Variants in ACOX3 observed in about 807,000 individuals in gnomAD.
The protein encoded by ACOX3 is peroxisomal acyl-coenzyme A oxidase 3.
ACOX3 carries 73 observed loss-of-function variants against 81.5 expected under a neutral mutation model. The observed-to-expected ratio is 0.90, with a 90% confidence interval of 0.74 to 1.09. The LOEUF (loss-of-function observed/expected upper bound fraction) is 1.09. Among genes scored for constraint, ACOX3 ranks in the 50% least tolerant of loss-of-function variants. The pLI, the probability that ACOX3 is intolerant of heterozygous loss-of-function variation, is 0.00. For synonymous variants in ACOX3, 387 were observed against 375.1 expected (o/e 1.03, Z -0.37); for missense variants, 947 against 928.0 (o/e 1.02, Z -0.27).
chr4:8,357,033 C>A, the ACOX3 span: 1 of 455,744 alleles, frequency 2.2e-6, no homozygotes, highest in Non-Finnish European at 4.4e-6. Flanking sequence ...TAACGTGATC[C>A]CGGCAGGTGA....
rs1717712620 is a variant in ACOX3, at chr4:8,381,953, C to A, written c.1538-346G>T. 6.6e-6 allele frequency among the ~76,000 whole-genome samples: 1 copy of A among 152,272 alleles called. No individual in the cohort carries two copies. Among genetic ancestry groups the A allele is most frequent in the African/African-American group, 2.4e-5 (1 of 41,478 alleles). On this transcript the variant is annotated intron_variant, in intron 13 of 17. Coordinates refer to ENST00000356406, the MANE Select transcript of ACOX3 (RefSeq NM_003501.3). This position sits in a 1 kb window ranked among gnomAD's most constrained non-coding sequence, Gnocchi z 4.3. ...CGTTCTCGCACGCACCAGGCTCGGT[C>A]TGTGTGAAGCGTGGTGCTGCCTCCA...
chr4:8,389,070 C>T lies in ACOX3; in HGVS notation c.1537+103G>A, dbSNP rs550424228. On this transcript the variant is annotated intron_variant, in intron 13 of 17. Transcript: ENST00000356406. This position sits in a 1 kb window ranked among gnomAD's most constrained non-coding sequence, Gnocchi z 5.3. ...GGGCCTCCCACCACCACTGCTGCCC[C>T]GGCTGGAACTGCCAAGGGTCCCCTC... The T allele has an allele frequency of 1.9e-5, 17 of 905,760 alleles. No homozygotes were observed. Among genetic ancestry groups the T allele is most frequent in the Admixed American group, 6.4e-5 (3 of 46,736 alleles). The allele number at this position is 905,760 out of a possible 1,614,324, so 56.1% of individuals were successfully genotyped here.
chr4:8,373,984 A>T, intron 15 of ACOX3: 1 of 290,430 alleles, frequency 3.4e-6, no homozygotes, highest in East Asian at 9.0e-5. Flanking sequence ...GCTCCTGGGC[A>T]GAGTGAAGCA....
Position 8,405,821 on chromosome 4 carries a change from G to A in ACOX3, c.776+134C>T, listed in dbSNP as rs1370843158. 20 of 904,298 alleles carry A rather than the reference G, an allele frequency of 2.2e-5. No individual in the cohort carries two copies. The highest frequency in any genetic ancestry group is 3.3e-4 in the Middle Eastern group (1 of 2,998). The allele number at this position is 904,298 out of a possible 1,614,324, so 56.0% of individuals were successfully genotyped here. On this transcript the variant is annotated intron_variant, in intron 7 of 17. Transcript: ENST00000356406. The surrounding 1 kb of genome is among the most constrained non-coding windows in gnomAD (Gnocchi z 7.1). ...GCCAGTGCATGCACGGGGGCTAGGC[G>A]TAGGTCCCCACCGCATTTGAGTCTA...
At chr4:8,387,741 G>A (rs112418339) in intron 13 of ACOX3, among the ~76,000 whole-genome samples, 1 of 152,320 alleles carries the variant, frequency 6.6e-6, no homozygotes, top group African/African-American at 2.4e-5. Context: ...GAGCAGTAAC[G>A]AGAGATCCCG....
intron 1 of ACOX3, among the ~76,000 whole-genome samples, chr4:8,439,712 T>C (rs1283799553): frequency 1.3e-5 from 2 of 152,246 alleles, no homozygotes; most frequent in African/African-American, 4.8e-5. Flanking sequence ...AGTTTCCAGC[T>C]ATAAGAGAAT....
rs977557470 is a variant in ACOX3 at position 8,431,550 on chromosome 4, A to G, written c.-15+9098T>C. 6.6e-6 allele frequency among the ~76,000 whole-genome samples: 1 copy of G among 152,168 alleles called. No homozygotes were observed. Among genetic ancestry groups the G allele is most frequent in the African/African-American group, 2.4e-5 (1 of 41,446 alleles). ...GTATTTGGGACCTGGGTGGATGGAG[A>G]TGCCACTGGGACTGACACCAAGGGA... On this transcript the variant is annotated intron_variant, in intron 1 of 17. Coordinates refer to ENST00000356406, the MANE Select transcript of ACOX3 (RefSeq NM_003501.3). This position sits in a 1 kb window ranked among gnomAD's most constrained non-coding sequence, Gnocchi z 5.3.
intron 1 of ACOX3, among the ~76,000 whole-genome samples, chr4:8,427,529 G>A (rs1241198412): frequency 6.6e-6 from 1 of 152,184 alleles, no homozygotes; most frequent in Non-Finnish European, 1.5e-5. Context: ...CTAGAGACTC[G>A]CCATTGTTCC....
chr4:8,389,712 T>TAG lies in ACOX3; in HGVS notation c.1322_1323insCT (p.Arg441SerfsTer2). 1 of 1,614,054 alleles carries TAG rather than the reference T, an allele frequency of 6.2e-7. No individual in the cohort carries two copies. Reference sequence around the variant, plus strand: ...ATGTGCAGTTGGGATCGTTGTCATCTCTAAGGACACCCAACCGGTTCACTG... The same window carrying TAG: ...ATGTGCAGTTGGGATCGTTGTCATCTAGCTAAGGACACCCAACCGGTTCACTG... On this transcript the variant is annotated frameshift_variant, in exon 12 of 18. Coordinates refer to ENST00000356406, the MANE Select transcript of ACOX3 (RefSeq NM_003501.3). LOFTEE classifies it high-confidence loss of function. The surrounding 1 kb of genome is among the most constrained non-coding windows in gnomAD (Gnocchi z 5.3).
chr4:8,405,870 G>A lies in ACOX3; in HGVS notation c.776+85C>T, dbSNP rs1720884559. 7.4e-7 allele frequency: 1 copy of A among 1,345,990 alleles called. No homozygotes were observed. The highest frequency in any genetic ancestry group is 1.2e-5 in the South Asian group (1 of 85,344). 83.4% of individuals were successfully genotyped at this position (1,345,990 alleles called of 1,614,324 possible). ...TAAGAGGGCAGGGCATGGCATCCAT[G>A]GGGCCAGTGAGATCTCAGACATGAG... On this transcript the variant is annotated intron_variant, in intron 7 of 17. Coordinates refer to ENST00000356406, the MANE Select transcript of ACOX3 (RefSeq NM_003501.3). This position sits in a 1 kb window ranked among gnomAD's most constrained non-coding sequence, Gnocchi z 7.1.
intron 5 of ACOX3, among the ~76,000 whole-genome samples, chr4:8,410,655 G>A (rs1404504210): frequency 1.3e-5 from 2 of 152,168 alleles, no homozygotes; most frequent in Non-Finnish European, 2.9e-5. Flanking sequence ...CCCTTAGGTA[G>A]AAACACTGTG....
chr4:8,381,476 G>T lies in ACOX3; in HGVS notation c.1653+16C>A. The T allele has an allele frequency of 6.2e-7, 1 of 1,602,908 alleles. No individual in the cohort carries two copies. Among genetic ancestry groups the T allele is most frequent in the Non-Finnish European group, 8.5e-7 (1 of 1,170,670 alleles). The stretch of plus-strand genomic sequence containing the variant: ...AGCAAATAATACAAAAGGGAATTTT[G>T]AAAACAAATACTTACCTGGCATTTG... On this transcript the variant is annotated intron_variant, in intron 14 of 17. Transcript: ENST00000356406. This position sits in a 1 kb window ranked among gnomAD's most constrained non-coding sequence, Gnocchi z 4.3.
chr4:8,366,965 A>G lies in ACOX3; in HGVS notation c.2099T>C (p.Leu700Pro), dbSNP rs1193785170. ...KPVIGSLKSK[L>P] ...GCTGAATGTGTGCCAGTCCCACTAG[A>G]GCTTCGATTTCAGACTTCCTATGAC... Residue 700 changes from leucine (L) to proline (P), a missense_variant, in exon 18 of 18, where the codon CTC (leucine) becomes CCC (proline). Coordinates refer to ENST00000356406, the MANE Select transcript of ACOX3 (RefSeq NM_003501.3). 1 of 1,613,890 alleles carries G rather than the reference A, an allele frequency of 6.2e-7. No individual in the cohort carries two copies. The highest frequency in any genetic ancestry group is 2.2e-5 in the East Asian group (1 of 44,880).
intron 1 of ACOX3, among the ~76,000 whole-genome samples, chr4:8,420,947 T>C (rs552895784): frequency 6.6e-6 from 1 of 152,302 alleles, no homozygotes; most frequent in African/African-American, 2.4e-5. Context: ...GGTTCCACAG[T>C]TCTCTTCCAT....
chr4:8,373,681 C>T (rs1364929208), intron 15 of ACOX3, 53 bp from the exon 16 acceptor site: 1 of 1,542,666 alleles, frequency 6.5e-7, no homozygotes, highest in Non-Finnish European at 8.8e-7. Context: ...AAAACCACCC[C>T]CAATACCAAC....
intron 1 of ACOX3, among the ~76,000 whole-genome samples, chr4:8,421,839 G>A (rs111475127): frequency 8.5e-4 from 130 of 152,194 alleles, no homozygotes; most frequent in Non-Finnish European, 1.5e-3. Context: ...AAATGGCTAG[G>A]AGGATTGCTC....
chr4:8,387,666 G>A (rs1718477163), intron 13 of ACOX3, among the ~76,000 whole-genome samples: 1 of 152,190 alleles, frequency 6.6e-6, no homozygotes, highest in Admixed American at 6.5e-5. Flanking sequence ...GCACGGAGGT[G>A]GGGGCAGCTC....
intron 7 of ACOX3, among the ~76,000 whole-genome samples, chr4:8,404,794 C>T (rs532476106): frequency 3.7e-4 from 56 of 152,218 alleles, no homozygotes; most frequent in Non-Finnish European, 6.6e-4. Flanking sequence ...ATATGAAACA[C>T]GCATATCTAG....
chr4:8,413,498 A>C (rs1578964773), intron 5 of ACOX3, among the ~76,000 whole-genome samples: 1 of 116,594 alleles, frequency 8.6e-6, no homozygotes, highest in Non-Finnish European at 1.7e-5. Flanking sequence ...ATCTCCCTCC[A>C]CCCCGCAACC....
Sources: allele counts gnomAD v4.1 joint callset (sites outside exome capture counted in the v4.1 genomes callset), GRCh38; gene constraint gnomAD v4.1.1; non-coding constraint Gnocchi (gnomAD v3.1); transcripts MANE v1.5; gene names NCBI Gene and HGNC (gene_info 2026-07-23, HGNC 2026-07-21).